Variants in LTBP1 observed in about 807,000 individuals in gnomAD.
LTBP1 encodes latent transforming growth factor beta binding protein 1.
LTBP1 carries 129 observed loss-of-function variants against 207.6 expected under a neutral mutation model. The observed-to-expected ratio is 0.62, with a 90% CI of 0.54 to 0.72. The LOEUF is 0.72. Among genes scored for constraint, LTBP1 ranks in the 30% least tolerant of loss-of-function variants. The pLI, the probability that LTBP1 is intolerant of heterozygous loss-of-function variation, is 0.00. For synonymous variants in LTBP1, 963 were observed against 833.7 expected (o/e 1.16, Z -2.67); for missense variants, 2,281 against 2,217.2 (o/e 1.03, Z -0.58).
At chr2:33,111,635 C>A (rs1479251523) in intron 4 of LTBP1, among the ~76,000 whole-genome samples, 1 of 152,192 alleles carries the variant, frequency 6.6e-6, no homozygotes. Flanking sequence ...TACACCCACT[C>A]CACCTCCCCG....
At chr2:33,265,169 A>G (rs769825552) in intron 15 of LTBP1, among the ~76,000 whole-genome samples, 52 of 152,208 alleles carry the variant, frequency 3.4e-4, no homozygotes, top group Non-Finnish European at 6.6e-4. Context: ...TTTTTCTTCC[A>G]GAAACACCCT....
chr2:33,260,932 T>G (rs1183032067), intron 13 of LTBP1, among the ~76,000 whole-genome samples: 2 of 152,206 alleles, frequency 1.3e-5, no homozygotes, highest in Admixed American at 6.5e-5. Context: ...TTACTGCATT[T>G]TATTTGGGGA....
At chr2:33,324,967 A>C (rs1300200158) in intron 24 of LTBP1, among the ~76,000 whole-genome samples, 1 of 152,062 alleles carries the variant, frequency 6.6e-6, no homozygotes, top group Non-Finnish European at 1.5e-5. Flanking sequence ...GGCCTCCCAA[A>C]GTGCTGAGAT....
At position 33,352,950 on chromosome 2, in the gene LTBP1, C is replaced by G. The variant is rs368935817; in HGVS notation, c.4000+5440C>G. 4.5e-4 allele frequency among the ~76,000 whole-genome samples: 68 copies of G among 151,586 alleles called. No homozygotes were observed. In the East Asian group the frequency reaches 0.012, roughly 26 times the overall value. On this transcript the variant is annotated intron_variant, in intron 26 of 33. Coordinates refer to ENST00000404816, the MANE Select transcript of LTBP1 (RefSeq NM_206943.4). The stretch of plus-strand genomic sequence containing the variant: ...CTACTAACTCTTCTGCCTACTGTGC[C>G]CTCCCCCTTGTAAGCCTTTCTTTTT...
chr2:33,325,115 T>C (rs1182850534), intron 24 of LTBP1, among the ~76,000 whole-genome samples: 1 of 152,214 alleles, frequency 6.6e-6, no homozygotes, highest in Non-Finnish European at 1.5e-5. Flanking sequence ...GAGAGTTTCA[T>C]ATGACTCTTT....
chr2:33,166,519 T>C (rs953300397), intron 5 of LTBP1, among the ~76,000 whole-genome samples: 8 of 152,224 alleles, frequency 5.3e-5, no homozygotes, highest in Non-Finnish European at 1.0e-4. Flanking sequence ...AATTGTTTTA[T>C]TGTGGTAACT....
chr2:33,184,297 C>T (rs533231904), intron 5 of LTBP1, among the ~76,000 whole-genome samples: 145 of 152,198 alleles, frequency 9.5e-4, no homozygotes, highest in African/African-American at 3.4e-3. Context: ...AGAATAAAAC[C>T]CAAAGCCCTT....
At chr2:33,266,709 G>A (rs951063635) in intron 15 of LTBP1, among the ~76,000 whole-genome samples, 1 of 152,108 alleles carries the variant, frequency 6.6e-6, no homozygotes, top group Non-Finnish European at 1.5e-5. Context: ...AGCTTTTCAG[G>A]ATGACGTGCC....
intron 31 of LTBP1, among the ~76,000 whole-genome samples, chr2:33,380,571 A>T (rs961111070): frequency 1.3e-5 from 2 of 149,516 alleles, no homozygotes; most frequent in Non-Finnish European, 1.5e-5. Flanking sequence ...CTCCGTCTTT[A>T]AAAAAAAAAG....
At chr2:33,244,046 T>C (rs774535440) in intron 10 of LTBP1, among the ~76,000 whole-genome samples, 1 of 152,184 alleles carries the variant, frequency 6.6e-6, no homozygotes, top group East Asian at 1.9e-4. Flanking sequence ...CGAGGAAATA[T>C]GCTTTGATGA....
chr2:33,021,798 T>C (rs1194253410), intron 3 of LTBP1, among the ~76,000 whole-genome samples: 1 of 152,194 alleles, frequency 6.6e-6, no homozygotes, highest in South Asian at 2.1e-4. Context: ...AGGTTTTTTT[T>C]TTCTTAGTGT....
At chr2:33,100,534 T>A (rs146467718) in intron 3 of LTBP1, among the ~76,000 whole-genome samples, 262 of 152,188 alleles carry the variant, frequency 1.7e-3, no homozygotes, top group African/African-American at 6.0e-3. Flanking sequence ...TTTTAAAAAA[T>A]TTTTGTAAAG....
chr2:33,347,130 A>C (rs2094714136), intron 25 of LTBP1, among the ~76,000 whole-genome samples: 1 of 151,876 alleles, frequency 6.6e-6, no homozygotes, highest in East Asian at 1.9e-4. Flanking sequence ...AAAAAAAAAA[A>C]AAAAAAAAAA....
In LTBP1 at chr2:33,243,667, A is replaced by G; in HGVS notation, c.1882A>G (p.Asn628Asp). 3 of 1,613,742 alleles carry G rather than the reference A, an allele frequency of 1.9e-6. No individual in the cohort carries two copies. Among genetic ancestry groups the G allele is most frequent in the Non-Finnish European group, 2.5e-6 (3 of 1,179,786 alleles). The stretch of plus-strand genomic sequence containing the variant: ...AGAATTGTGTTTTCCTGCAGATATT[A>G]ATGAATGTCAGCTACAAGGTGTATG... Reference protein sequence around the residue: ...RVNNTFCQDINECQLQGVCPN... With the variant: ...RVNNTFCQDIDECQLQGVCPN... The change falls in exon 10 of 34, where the codon AAT (asparagine) becomes GAT (aspartate). Residue 628 changes from asparagine (N) to aspartate (D), a missense_variant. Coordinates refer to ENST00000404816, the MANE Select transcript of LTBP1 (RefSeq NM_206943.4).
At chr2:33,393,811 A>G (rs1211024358) in intron 32 of LTBP1, among the ~76,000 whole-genome samples, 1 of 152,188 alleles carries the variant, frequency 6.6e-6, no homozygotes, top group South Asian at 2.1e-4. Flanking sequence ...ATACCCAGTA[A>G]TGGGATGACT....
chr2:33,094,008 A>G (rs1465150632), intron 3 of LTBP1, among the ~76,000 whole-genome samples: 1 of 152,210 alleles, frequency 6.6e-6, no homozygotes, highest in Non-Finnish European at 1.5e-5. Context: ...AAGATGTAAA[A>G]AGAGAGTTTA....
chr2:32,997,188 A>G (rs1471049431), intron 2 of LTBP1, among the ~76,000 whole-genome samples: 2 of 151,968 alleles, frequency 1.3e-5, no homozygotes, highest in African/African-American at 4.8e-5. Flanking sequence ...CCCGGCCTGG[A>G]TGGAACTTAA....
At chr2:33,239,782 T>A (rs1053452714) in intron 9 of LTBP1, among the ~76,000 whole-genome samples, 8 of 151,170 alleles carry the variant, frequency 5.3e-5, no homozygotes, top group African/African-American at 1.7e-4. Flanking sequence ...CATGTGCCTG[T>A]AATCCCAACT....
chr2:33,248,249 A>T (rs1033358490), intron 10 of LTBP1, among the ~76,000 whole-genome samples: 3 of 152,236 alleles, frequency 2.0e-5, no homozygotes, highest in African/African-American at 7.2e-5. Context: ...TAAGCACTTT[A>T]TGTGAATTAT....
Sources: allele counts gnomAD v4.1 joint callset (sites outside exome capture counted in the v4.1 genomes callset), GRCh38; gene constraint gnomAD v4.1.1; transcripts MANE v1.5; gene names NCBI Gene and HGNC (gene_info 2026-07-23, HGNC 2026-07-21).